Variants in TANC1 observed in about 807,000 individuals in gnomAD.
TANC1 encodes the protein protein TANC1.
A neutral mutation model predicts 149.7 loss-of-function variants in TANC1; 77 were observed. The ratio of observed to expected loss-of-function variants is 0.51; its 90% confidence interval spans 0.43 to 0.62. The LOEUF (loss-of-function observed/expected upper bound fraction) is 0.62, where lower values mean the gene tolerates loss of function less well. Ranked by LOEUF, TANC1 falls within the 20% of genes least tolerant of loss-of-function variation. The probability of loss-of-function intolerance (pLI) is 0.00; values close to 1 mark genes in which losing one functional copy is unlikely to be tolerated. For synonymous variants in TANC1, 854 were observed against 925.0 expected (o/e 0.92, Z 1.39); for missense variants, 1,985 against 2,321.8 (o/e 0.85, Z 2.98).
intron 1 of TANC1, among the ~76,000 whole-genome samples, 157 bp from the exon 2 acceptor site, chr2:159,000,923 A>G (rs1366281892): frequency 1.3e-5 from 2 of 152,198 alleles, no homozygotes; most frequent in African/African-American, 4.8e-5. Context: ...CTATTCATTC[A>G]ACCCAGCCCC....
chr2:159,191,289 TCTC>T (rs2057424502), intron 16 of TANC1, among the ~76,000 whole-genome samples: 2 of 152,188 alleles, frequency 1.3e-5, no homozygotes, highest in South Asian at 4.1e-4. Context: ...TTGCCTTTCT[TCTC>T]TGTGAACTTC....
At chr2:159,169,495 C>A in intron 9 of TANC1, 123 bp downstream of exon 9, 2 of 1,048,420 alleles carry the variant, frequency 1.9e-6, no homozygotes, top group Non-Finnish European at 1.4e-6. Context: ...TGTGTTTGTG[C>A]TAAAAGCATA....
At chr2:158,978,079 A>G (rs908697598) in intron 1 of TANC1, among the ~76,000 whole-genome samples, 1 of 151,898 alleles carries the variant, frequency 6.6e-6, no homozygotes, top group Admixed American at 6.6e-5. Flanking sequence ...GCTTTTTATT[A>G]TTAAGTTGTT....
chr2:159,089,129 C>T (rs2045269185), intron 3 of TANC1, among the ~76,000 whole-genome samples: 1 of 152,112 alleles, frequency 6.6e-6, no homozygotes, highest in South Asian at 2.1e-4. Context: ...CCTCCCCCTT[C>T]CACAGTGGGC....
intron 2 of TANC1, among the ~76,000 whole-genome samples, chr2:159,016,067 C>A (rs527900685): frequency 6.6e-6 from 1 of 152,240 alleles, no homozygotes; most frequent in South Asian, 2.1e-4. Flanking sequence ...TGAATTAGTC[C>A]ATTTTCACAC....
At chr2:159,167,567 A>G (rs1250373029) in intron 8 of TANC1, among the ~76,000 whole-genome samples, 1 of 152,216 alleles carries the variant, frequency 6.6e-6, no homozygotes, top group Non-Finnish European at 1.5e-5. Context: ...AGTGCATAGA[A>G]TATTCACTTA....
chr2:159,047,195 C>A (rs147149850), intron 2 of TANC1, among the ~76,000 whole-genome samples: 3 of 151,012 alleles, frequency 2.0e-5, no homozygotes, highest in African/African-American at 7.3e-5. Flanking sequence ...ATTTCCCCCC[C>A]CCAGTTATTG....
chr2:159,001,722 C>T lies in TANC1; in HGVS notation c.-16+533C>T, dbSNP rs191156739. Among the ~76,000 whole-genome samples the T allele has an allele frequency of 1.1e-4, 16 of 152,308 alleles. No individual in the cohort carries two copies. Among genetic ancestry groups the T allele is most frequent in the Non-Finnish European group, 2.2e-4 (15 of 68,036 alleles). On this transcript the variant is annotated intron_variant, in intron 2 of 26. Transcript: ENST00000263635. This position sits in a 1 kb window ranked among gnomAD's most constrained non-coding sequence, Gnocchi z 4.3. The stretch of plus-strand genomic sequence containing the variant: ...AAACTCTGCTGTACAGATGAGGAAT[C>T]TCAGGTTTAACCAGATTAGGCAACT...
rs1038831105 is a variant in TANC1, at chr2:158,988,593, C to T, written c.-125-12487C>T. ...GGCTTCCCAGCTCCCAGCTTCTTTT[C>T]CTTAGTCCCCATCGTGTTGGGGAGG... On this transcript the variant is annotated intron_variant, in intron 1 of 26. Transcript: ENST00000263635. Among the ~76,000 whole-genome samples, 60 of 152,210 alleles carry T rather than the reference C, an allele frequency of 3.9e-4. No homozygotes were observed. In the East Asian group the frequency reaches 4.3e-3, roughly 11 times the overall value.
intron 3 of TANC1, among the ~76,000 whole-genome samples, chr2:159,070,763 A>G (rs2043086381): frequency 6.6e-6 from 1 of 152,148 alleles, no homozygotes; most frequent in Non-Finnish European, 1.5e-5. Flanking sequence ...TTTACTATCC[A>G]CCACCATATG....
Position 159,232,487 on chromosome 2 carries a change from A to G in TANC1, c.*1475A>G, listed in dbSNP as rs372355593. 1.4e-4 allele frequency: 22 copies of G among 152,642 alleles called. No homozygotes were observed. The highest frequency in any genetic ancestry group is 4.8e-4 in the African/African-American group (20 of 41,454). 9.5% of individuals were successfully genotyped at this position (152,642 alleles called of 1,614,324 possible). A position where few individuals can be genotyped will look rare whatever the true frequency, so the allele number is the denominator to read the frequency against. On this transcript the variant is annotated 3_prime_UTR_variant, in exon 27 of 27. Transcript: ENST00000263635. Reference sequence around the variant, plus strand: ...TTCAACGTTTGTTCCTGTGTGTACAATTGTACTTTGTATGAACAGCTTTAT... The same window carrying G: ...TTCAACGTTTGTTCCTGTGTGTACAGTTGTACTTTGTATGAACAGCTTTAT...
rs189862011 is a variant in TANC1, at chr2:159,030,990, T to C, written c.-16+29801T>C. Among the ~76,000 whole-genome samples, 603 of 152,244 alleles carry C rather than the reference T, an allele frequency of 4.0e-3. 4 individuals are homozygous for C. Among genetic ancestry groups the C allele is most frequent in the Non-Finnish European group, 4.7e-3 (323 of 68,008 alleles). The stretch of plus-strand genomic sequence containing the variant: ...CAGGCACCCATGTCCCCAGACCTTC[T>C]CTGGCCATATGGAGTCAGAGTGACC... On this transcript the variant is annotated intron_variant, in intron 2 of 26. Transcript: ENST00000263635.
chr2:159,024,593 A>G (rs1299243503), intron 2 of TANC1, among the ~76,000 whole-genome samples: 1 of 152,150 alleles, frequency 6.6e-6, no homozygotes, highest in African/African-American at 2.4e-5. Flanking sequence ...TCTACTAAAA[A>G]TATAAAAATT....
At chr2:159,006,228 G>A (rs575894903) in intron 2 of TANC1, among the ~76,000 whole-genome samples, 33 of 150,974 alleles carry the variant, frequency 2.2e-4, no homozygotes, top group African/African-American at 6.3e-4. Flanking sequence ...ACTGGGAGGC[G>A]GAGGTTGCAG....
At chr2:159,051,823 T>C (rs1314781355) in intron 2 of TANC1, among the ~76,000 whole-genome samples, 3 of 152,154 alleles carry the variant, frequency 2.0e-5, no homozygotes, top group African/African-American at 7.2e-5. Flanking sequence ...GAGCCAGACT[T>C]AGGTTATTTT....
At chr2:158,988,092 G>T (rs1247410588) in intron 1 of TANC1, among the ~76,000 whole-genome samples, 2 of 152,088 alleles carry the variant, frequency 1.3e-5, no homozygotes, top group Admixed American at 6.5e-5. Context: ...GGAGGCTGTG[G>T]TGGGCAGATC....
chr2:159,179,013 G>T lies in TANC1; in HGVS notation c.2360G>T (p.Gly787Val). ...GCTGGCCACATCCAGGGGGAGCAGGGATGGGAAGACTTTCAGCAGAGGATG... is the reference window on the plus strand; with the variant it reads ...GCTGGCCACATCCAGGGGGAGCAGGTATGGGAAGACTTTCAGCAGAGGATG... ...INAGHIQGEQ[G>V]WEDFQQRMDA... The change falls in exon 14 of 27, where the codon GGA (glycine) becomes GTA (valine). Residue 787 changes from glycine to valine, a missense_variant. Around this residue, in one of 3 missense-constraint regions of TANC1, gnomAD observed 508 missense variants for 714.2 expected, o/e 0.71. Transcript: ENST00000263635. 6.2e-7 allele frequency: 1 copy of T among 1,614,104 alleles called. No homozygotes were observed.
intron 1 of TANC1, among the ~76,000 whole-genome samples, chr2:158,980,552 A>ATTG (rs2034181526): frequency 6.6e-6 from 1 of 152,094 alleles, no homozygotes; most frequent in Admixed American, 6.5e-5. Context: ...CGAAGTGGGC[A>ATTG]GATCACGAGG....
intron 4 of TANC1, among the ~76,000 whole-genome samples, chr2:159,127,901 T>A (rs900976320): frequency 2.0e-5 from 3 of 152,252 alleles, no homozygotes; most frequent in Non-Finnish European, 2.9e-5. Context: ...TCCAGTTTGA[T>A]ATACTGTTTT....
Sources: gnomAD v4.1 joint callset for allele counts (sites outside exome capture counted in the v4.1 genomes callset) on GRCh38, gnomAD v4.1.1 for gene constraint, gnomAD v4.1.1 regional missense constraint, Gnocchi (gnomAD v3.1) non-coding constraint, MANE v1.5 for transcripts, NCBI Gene and HGNC (gene_info 2026-07-23, HGNC 2026-07-21) for gene names.